ARHGEF28: variants seen among roughly 807,000 people sequenced by gnomAD.
The protein encoded by ARHGEF28 is Rho guanine nucleotide exchange factor 28, also known as 190 kDa guanine nucleotide exchange factor.
In ARHGEF28, 152 loss-of-function variants were observed where a neutral mutation model predicts 206.6. The ratio of observed to expected loss-of-function variants is 0.74; its 90% confidence interval spans 0.64 to 0.84. The LOEUF (loss-of-function observed/expected upper bound fraction) is 0.84, where lower values mean the gene tolerates loss of function less well. Among genes scored for constraint, ARHGEF28 ranks in the 40% least tolerant of loss-of-function variants. ARHGEF28 has a pLI of 0.00. For missense variants in ARHGEF28, 2,028 were observed against 2,073.2 expected, an observed-to-expected ratio of 0.98 and a Z score of 0.42; for synonymous variants, 763 against 776.4, an observed-to-expected ratio of 0.98 and a Z score of 0.29.
intron 23 of ARHGEF28, 52 bp downstream of exon 23, chr5:73,882,646 G>A (rs1465306883): frequency 6.6e-6 from 9 of 1,369,368 alleles, no homozygotes; most frequent in African/African-American, 1.5e-5. Flanking sequence ...TGGAGAAATA[G>A]TTTATGCTTG....
At chr5:73,748,158 CCT>C (rs1479099654) in intron 2 of ARHGEF28, among the ~76,000 whole-genome samples, 2 of 152,088 alleles carry the variant, frequency 1.3e-5, no homozygotes, top group Non-Finnish European at 2.9e-5. Flanking sequence ...GTCTAAGTTT[CCT>C]CTCTCAGTCA....
intron 35 of ARHGEF28, among the ~76,000 whole-genome samples, chr5:73,932,001 C>T (rs1764151452): frequency 6.6e-6 from 1 of 152,122 alleles, no homozygotes; most frequent in Non-Finnish European, 1.5e-5. Flanking sequence ...CTTGAAATAC[C>T]TTAAAAACAA....
At chr5:73,677,290 A>C (rs1227155320) in intron 1 of ARHGEF28, among the ~76,000 whole-genome samples, 1 of 152,214 alleles carries the variant, frequency 6.6e-6, no homozygotes, top group Non-Finnish European at 1.5e-5. Context: ...ATCGTTAAGT[A>C]ACAAGGACTT....
In ARHGEF28 at chr5:73,938,232, T is replaced by A. The variant is rs370560205; in HGVS notation, c.4949-2612T>A. Among the ~76,000 whole-genome samples, 147 of 148,328 alleles carry A rather than the reference T, an allele frequency of 9.9e-4. No homozygotes were observed. The South Asian group carries it at 0.031, about 31-fold the overall frequency. ...CATCCCCATCCCCGTTCATTCTTGG[T>A]TCTGTATCTTCTTGAAGTAGAGCAT... On this transcript the variant is annotated intron_variant, in intron 35 of 35. Transcript: ENST00000513042.
intron 2 of ARHGEF28, among the ~76,000 whole-genome samples, chr5:73,690,961 C>T (rs1023879506): frequency 4.6e-5 from 7 of 151,524 alleles, no homozygotes; most frequent in Non-Finnish European, 7.4e-5. Context: ...GACAAATTCT[C>T]GCCGTGTCAT....
intron 14 of ARHGEF28, among the ~76,000 whole-genome samples, chr5:73,856,927 G>A (rs1759078463): frequency 6.6e-6 from 1 of 152,086 alleles, no homozygotes. Flanking sequence ...AAGCTCTAGG[G>A]GGAATTGTAA....
chr5:73,669,907 G>C (rs138217399), intron 1 of ARHGEF28, among the ~76,000 whole-genome samples: 1,851 of 152,262 alleles, frequency 0.012, 46 homozygotes, highest in African/African-American at 0.042. Context: ...GGCTGGTCTT[G>C]AACTCCTGAC....
intron 16 of ARHGEF28, among the ~76,000 whole-genome samples, chr5:73,862,283 C>A (rs149026804): frequency 1.8e-4 from 27 of 152,184 alleles, no homozygotes; most frequent in African/African-American, 5.5e-4. Flanking sequence ...TCATTAGATG[C>A]CTTTTGCATT....
At chr5:73,723,886 C>T (rs1380898099) in intron 2 of ARHGEF28, among the ~76,000 whole-genome samples, 1 of 152,228 alleles carries the variant, frequency 6.6e-6, no homozygotes, top group Non-Finnish European at 1.5e-5. Context: ...TATTCAACTA[C>T]ACCTAAATCC....
intron 1 of ARHGEF28, among the ~76,000 whole-genome samples, chr5:73,636,886 C>T (rs1426461360): frequency 2.0e-5 from 3 of 152,152 alleles, no homozygotes; most frequent in East Asian, 1.9e-4. Flanking sequence ...ACGAGCATCA[C>T]GCTTGGCTCC....
Position 73,813,578 on chromosome 5 carries a change from A to G in ARHGEF28, c.1024+18187A>G, listed in dbSNP as rs755194883. ...TACTGTTTCATCTGTTGATTTCACC[A>G]AAACAAAAAGATGGATTCTGACTCC... On this transcript the variant is annotated intron_variant, in intron 9 of 35. Coordinates refer to ENST00000513042, the MANE Select transcript of ARHGEF28 (RefSeq NM_001177693.2). The G allele has an allele frequency of 1.4e-5, 21 of 1,535,532 alleles. 1 individual carries two copies. The South Asian group carries it at 2.5e-4, about 18-fold the overall frequency.
At chr5:73,677,605 A>G (rs1472242355) in intron 1 of ARHGEF28, among the ~76,000 whole-genome samples, 1 of 152,222 alleles carries the variant, frequency 6.6e-6, no homozygotes, top group African/African-American at 2.4e-5. Context: ...CCTGTTTAAA[A>G]TAGTCTAATA....
At chr5:73,777,209 A>T (rs1047723972) in intron 6 of ARHGEF28, among the ~76,000 whole-genome samples, 2 of 151,874 alleles carry the variant, frequency 1.3e-5, no homozygotes, top group African/African-American at 4.8e-5. Flanking sequence ...CTATCATAGC[A>T]TGCCAGTCTC....
intron 4 of ARHGEF28, among the ~76,000 whole-genome samples, chr5:73,767,406 T>G (rs1361335183): frequency 6.6e-6 from 1 of 152,156 alleles, no homozygotes; most frequent in Non-Finnish European, 1.5e-5. Flanking sequence ...GTTGAATGGC[T>G]TTGCCCAAAA....
rs534679078 is a variant in ARHGEF28, at chr5:73,881,109, A to AT, written c.2815-1361dup. Among the ~76,000 whole-genome samples, 52 of 151,090 alleles carry AT rather than the reference A, an allele frequency of 3.4e-4. 1 individual carries two copies. The South Asian group carries it at 0.01, about 30-fold the overall frequency. Reference sequence around the variant, plus strand: ...CGTTGAAAAGGCTATTTTTCCTCTAATTGCTTTTGCATTTTTGTCAAAAAT... The same window carrying AT: ...CGTTGAAAAGGCTATTTTTCCTCTAATTTGCTTTTGCATTTTTGTCAAAAAT... On this transcript the variant is annotated intron_variant, in intron 22 of 35. Transcript: ENST00000513042.
intron 35 of ARHGEF28, among the ~76,000 whole-genome samples, chr5:73,918,338 G>A (rs1320195700): frequency 6.6e-6 from 1 of 152,170 alleles, no homozygotes; most frequent in African/African-American, 2.4e-5. Flanking sequence ...CTAAAAACAG[G>A]TGGCTGTAGT....
intron 5 of ARHGEF28, among the ~76,000 whole-genome samples, chr5:73,775,240 A>G (rs533676526): frequency 4.6e-5 from 7 of 152,350 alleles, no homozygotes; most frequent in African/African-American, 1.7e-4. Flanking sequence ...TACTGTGTCC[A>G]AGACGAGAAG....
chr5:73,869,060 CAA>C (rs2112635117), intron 20 of ARHGEF28, among the ~76,000 whole-genome samples: 2 of 152,182 alleles, frequency 1.3e-5, no homozygotes, highest in South Asian at 4.2e-4. Flanking sequence ...AGAGTAGTGA[CAA>C]AAGAGAGGAG....
intron 1 of ARHGEF28, among the ~76,000 whole-genome samples, chr5:73,645,713 G>A (rs556877076): frequency 6.6e-6 from 1 of 152,038 alleles, no homozygotes; most frequent in South Asian, 2.1e-4. Flanking sequence ...TTAAATTCTT[G>A]TAATAGCTTT....
Sources: gnomAD v4.1 joint callset for allele counts (sites outside exome capture counted in the v4.1 genomes callset) on GRCh38, gnomAD v4.1.1 for gene constraint, MANE v1.5 for transcripts, NCBI Gene and HGNC (gene_info 2026-07-23, HGNC 2026-07-21) for gene names.